Variants in CUL1 observed in about 807,000 individuals in gnomAD.
CUL1 encodes the protein cullin 1.
Under a neutral mutation model 118.0 loss-of-function variants are expected in CUL1, and 24 were observed. The observed-to-expected ratio is 0.20, with a 90% CI of 0.15 to 0.29. The LOEUF is 0.29. Ranked by LOEUF, CUL1 falls within the 10% of genes least tolerant of loss-of-function variation. CUL1 has a pLI of 1.00. For synonymous variants in CUL1, 332 were observed against 340.4 expected, an observed-to-expected ratio of 0.98 and a Z score of 0.27; for missense variants, 361 against 933.8, an observed-to-expected ratio of 0.39 and a Z score of 7.99.
At chr7:148,771,458 C>T (rs550286018) in intron 9 of CUL1, among the ~76,000 whole-genome samples, 1 of 152,320 alleles carries the variant, frequency 6.6e-6, no homozygotes, top group Admixed American at 6.5e-5. Flanking sequence ...CTCATGGCAT[C>T]TCCCTCTCGC....
intron 2 of CUL1, among the ~76,000 whole-genome samples, chr7:148,750,311 A>T (rs1219550063): frequency 2.8e-3 from 371 of 130,270 alleles, no homozygotes; most frequent in African/African-American, 8.7e-3. Context: ...TTTTTTTTTT[A>T]AATTATACTT....
At position 148,800,909 on chromosome 7, in the gene CUL1, T is replaced by C; in HGVS notation, c.*327T>C. 4.6e-6 allele frequency: 1 copy of C among 215,928 alleles called. No individual in the cohort carries two copies. Among genetic ancestry groups the C allele is most frequent in the Non-Finnish European group, 9.2e-6 (1 of 109,016 alleles). The allele number at this position is 215,928 out of a possible 1,614,324, so 13.4% of individuals were successfully genotyped here. The stretch of plus-strand genomic sequence containing the variant: ...GCAGCTGTCGTCTTGGCAGCACTTG[T>C]CACGTTGGCAGCACTTTGAGAGCAA... On this transcript the variant is annotated 3_prime_UTR_variant, in exon 22 of 22. Transcript: ENST00000325222. The surrounding 1 kb of genome is among the most constrained non-coding windows in gnomAD (Gnocchi z 4.6).
At chr7:148,714,385 A>G (rs1025068250) in intron 1 of CUL1, among the ~76,000 whole-genome samples, 19 of 152,350 alleles carry the variant, frequency 1.2e-4, no homozygotes, top group African/African-American at 4.1e-4. Flanking sequence ...TTCAAAATAC[A>G]GTACATTATT....
intron 9 of CUL1, among the ~76,000 whole-genome samples, chr7:148,780,231 T>C (rs1053173093): frequency 1.3e-5 from 2 of 152,316 alleles, no homozygotes; most frequent in African/African-American, 4.8e-5. Context: ...AGTGGCCCAC[T>C]GGAGACTGGG....
At chr7:148,795,969 A>G (rs966358158) in intron 17 of CUL1, among the ~76,000 whole-genome samples, 2 of 151,588 alleles carry the variant, frequency 1.3e-5, no homozygotes, top group Non-Finnish European at 2.9e-5. Context: ...GCTGCCTTTT[A>G]TTTCTTTTTT....
chr7:148,731,049 A>G (rs1302139889), intron 2 of CUL1, among the ~76,000 whole-genome samples: 3 of 152,140 alleles, frequency 2.0e-5, no homozygotes, highest in Non-Finnish European at 4.4e-5. Flanking sequence ...TTTTTAAAGT[A>G]CAGTATTTAA....
At chr7:148,785,911 G>T (rs901764572) in intron 11 of CUL1, among the ~76,000 whole-genome samples, 2 of 152,174 alleles carry the variant, frequency 1.3e-5, no homozygotes, top group African/African-American at 4.8e-5. Context: ...TAAAGTTGGA[G>T]ACACCTCTTC....
intron 7 of CUL1, 98 bp from the exon 8 acceptor site, chr7:148,766,463 T>C: frequency 9.5e-7 from 1 of 1,056,450 alleles, no homozygotes; most frequent in Non-Finnish European, 1.3e-6. Flanking sequence ...GTGAATTTAA[T>C]TTGCCATTTT....
At chr7:148,747,933 C>G (rs936807303) in intron 2 of CUL1, among the ~76,000 whole-genome samples, 1 of 151,920 alleles carries the variant, frequency 6.6e-6, no homozygotes, top group Non-Finnish European at 1.5e-5. Flanking sequence ...CTCACATAGA[C>G]GTAATAGAAG....
intron 8 of CUL1, among the ~76,000 whole-genome samples, 180 bp from the exon 9 acceptor site, chr7:148,767,439 C>T (rs1003048081): frequency 6.6e-6 from 1 of 151,408 alleles, no homozygotes; most frequent in Non-Finnish European, 1.5e-5. Flanking sequence ...TTACTTTTAG[C>T]AAAATATACA....
At chr7:148,798,767 C>T in intron 20 of CUL1, 90 bp downstream of exon 20, 1 of 1,034,638 alleles carries the variant, frequency 9.7e-7, no homozygotes, top group Non-Finnish European at 1.5e-6. Flanking sequence ...GCGGGGGTGA[C>T]AAAGGAGTGA....
chr7:148,794,784 C>G (rs575881934), intron 17 of CUL1, among the ~76,000 whole-genome samples: 2 of 152,320 alleles, frequency 1.3e-5, no homozygotes, highest in East Asian at 1.9e-4. Context: ...CTACTACTTT[C>G]AATTTATTCC....
At chr7:148,778,325 A>G (rs906195928) in intron 9 of CUL1, among the ~76,000 whole-genome samples, 1 of 152,078 alleles carries the variant, frequency 6.6e-6, no homozygotes, top group East Asian at 1.9e-4. Flanking sequence ...ATTAATATCA[A>G]AATTAATGTT....
intron 3 of CUL1, among the ~76,000 whole-genome samples, chr7:148,755,274 A>C (rs1011552085): frequency 6.6e-6 from 1 of 152,124 alleles, no homozygotes; most frequent in Non-Finnish European, 1.5e-5. Flanking sequence ...AAGATGAGCA[A>C]GTGGGTCCTT....
chr7:148,785,457 T>G (rs1185743163), intron 11 of CUL1, among the ~76,000 whole-genome samples: 1 of 151,908 alleles, frequency 6.6e-6, no homozygotes, highest in Non-Finnish European at 1.5e-5. Context: ...CTCCTGAGTT[T>G]AAGTGATTCT....
intron 11 of CUL1, among the ~76,000 whole-genome samples, chr7:148,786,011 A>G (rs778522839): frequency 2.0e-5 from 3 of 152,244 alleles, no homozygotes; most frequent in Non-Finnish European, 2.9e-5. Context: ...ACAAAAATTC[A>G]TCTACCTTTA....
chr7:148,796,568 G>C (rs1377661359), intron 17 of CUL1, among the ~76,000 whole-genome samples: 1 of 152,186 alleles, frequency 6.6e-6, no homozygotes, highest in Admixed American at 6.5e-5. Flanking sequence ...AAATGAGTTT[G>C]TGCCTTTGTA....
At chr7:148,725,195 GTGTACACACACACACA>G (rs1798522247) in intron 1 of CUL1, among the ~76,000 whole-genome samples, 1 of 134,756 alleles carries the variant, frequency 7.4e-6, no homozygotes, top group East Asian at 2.1e-4. Context: ...ACATGCGCGC[GTGTACACACACACACA>G]CGCGCGCGCT....
chr7:148,774,982 G>A (rs560852427), intron 9 of CUL1, among the ~76,000 whole-genome samples: 2 of 152,242 alleles, frequency 1.3e-5, no homozygotes, highest in South Asian at 2.1e-4. Context: ...AGGTAGCTCC[G>A]GCAAGTTATT....
Sources: gnomAD v4.1 joint callset for allele counts (sites outside exome capture counted in the v4.1 genomes callset) on GRCh38, gnomAD v4.1.1 for gene constraint, Gnocchi (gnomAD v3.1) non-coding constraint, MANE v1.5 for transcripts, NCBI Gene and HGNC (gene_info 2026-07-23, HGNC 2026-07-21) for gene names.